The following TSPAN18 variants were observed in gnomAD, a reference collection of about 807,000 sequenced individuals.
TSPAN18 encodes tetraspanin-18.
A neutral mutation model predicts 27.3 loss-of-function variants in TSPAN18; 14 were observed. The ratio of observed to expected loss-of-function variants is 0.51; its 90% CI spans 0.34 to 0.80. The LOEUF (loss-of-function observed/expected upper bound fraction) is 0.80. Among genes scored for constraint, TSPAN18 ranks in the 30% least tolerant of loss-of-function variants. The pLI, the probability that TSPAN18 is intolerant of heterozygous loss-of-function variation, is 0.01. For synonymous variants in TSPAN18, 143 were observed against 136.5 expected (o/e 1.05, Z -0.33); for missense variants, 268 against 323.9 (o/e 0.83, Z 1.32).
intron 2 of TSPAN18, among the ~76,000 whole-genome samples, chr11:44,823,224 G>T (rs1305137633): frequency 2.6e-5 from 4 of 152,192 alleles, no homozygotes; most frequent in African/African-American, 9.7e-5. Context: ...CACTCGGCCT[G>T]CTTGCGTTAT....
intron 2 of TSPAN18, among the ~76,000 whole-genome samples, chr11:44,833,565 G>A (rs1317278330): frequency 6.6e-6 from 1 of 152,048 alleles, no homozygotes; most frequent in Non-Finnish European, 1.5e-5. Context: ...TTTATCTTCT[G>A]TGCTCGAAAA....
At chr11:44,782,696 A>G (rs1305009182) in intron 2 of TSPAN18, among the ~76,000 whole-genome samples, 1 of 152,192 alleles carries the variant, frequency 6.6e-6, no homozygotes, top group African/African-American at 2.4e-5. Context: ...TTTGAGTTTT[A>G]GACATTCTAA....
intron 3 of TSPAN18, among the ~76,000 whole-genome samples, chr11:44,882,218 C>T (rs1010666837): frequency 6.6e-6 from 1 of 152,132 alleles, no homozygotes; most frequent in Non-Finnish European, 1.5e-5. Context: ...GCGCAGCATC[C>T]ATGTGGTCCC....
chr11:44,906,625 AAGGGGGCCCCCAGC>A, intron 4 of TSPAN18, 146 bp downstream of exon 4: 1 of 781,526 alleles, frequency 1.3e-6, no homozygotes, highest in South Asian at 1.6e-5. Flanking sequence ...GCTTTCATGG[AAGGGGGCCCCCAGC>A]AGTGCCCACC....
chr11:44,897,247 CCTT>C (rs536671170), intron 3 of TSPAN18, among the ~76,000 whole-genome samples: 42 of 152,178 alleles, frequency 2.8e-4, no homozygotes, highest in Non-Finnish European at 5.6e-4. Context: ...TCTGAAGGAA[CCTT>C]CTCACAAATC....
chr11:44,926,481 T>C, intron 8 of TSPAN18, 193 bp from the exon 9 acceptor site: 1 of 596,864 alleles, frequency 1.7e-6, no homozygotes, highest in East Asian at 2.8e-5. Context: ...AGAGGGTCTT[T>C]GGTGCAATGC....
intron 2 of TSPAN18, among the ~76,000 whole-genome samples, chr11:44,804,664 G>C (rs1036154241): frequency 6.6e-6 from 1 of 152,204 alleles, no homozygotes; most frequent in African/African-American, 2.4e-5. Flanking sequence ...GAGGTTTTCA[G>C]AGCTCCCCTC....
At chr11:44,742,257 C>T (rs1418012898) in intron 1 of TSPAN18, among the ~76,000 whole-genome samples, 1 of 150,976 alleles carries the variant, frequency 6.6e-6, no homozygotes, top group Non-Finnish European at 1.5e-5. Flanking sequence ...CCCTCCCCTC[C>T]CCTTCCCTTC....
At chr11:44,800,862 G>T (rs1020588806) in intron 2 of TSPAN18, among the ~76,000 whole-genome samples, 1 of 152,148 alleles carries the variant, frequency 6.6e-6, no homozygotes, top group Admixed American at 6.5e-5. Context: ...CAGAAAGTCT[G>T]TCTTCTGGGA....
intron 1 of TSPAN18, among the ~76,000 whole-genome samples, chr11:44,762,237 T>C (rs933442365): frequency 6.6e-6 from 1 of 152,076 alleles, no homozygotes; most frequent in Non-Finnish European, 1.5e-5. Context: ...ACAGCCATGG[T>C]GGGAAATAAA....
intron 2 of TSPAN18, among the ~76,000 whole-genome samples, chr11:44,847,379 C>T (rs1336610066): frequency 1.3e-5 from 2 of 152,160 alleles, no homozygotes; most frequent in African/African-American, 4.8e-5. Context: ...AAAATTGAGG[C>T]AAAATTTACA....
intron 2 of TSPAN18, among the ~76,000 whole-genome samples, chr11:44,787,900 C>A (rs1305684368): frequency 6.8e-6 from 1 of 146,706 alleles, no homozygotes; most frequent in East Asian, 2.5e-4. Context: ...TGCCTTAAAG[C>A]CCCTCGTTAC....
intron 2 of TSPAN18, among the ~76,000 whole-genome samples, chr11:44,802,609 G>GCGCACACACACACACACACACACA (rs1856506516): frequency 7.0e-6 from 1 of 142,610 alleles, no homozygotes; most frequent in African/African-American, 2.7e-5. Flanking sequence ...GGGAAGCACT[G>GCGCACACACACACACACACACACA]CACACACACA....
chr11:44,850,234 C>T (rs939516829), intron 2 of TSPAN18, among the ~76,000 whole-genome samples: 1 of 152,148 alleles, frequency 6.6e-6, no homozygotes, highest in Non-Finnish European at 1.5e-5. Context: ...TCCTACATAT[C>T]GAGTGATATG....
At chr11:44,887,055 A>G (rs1041736818) in intron 3 of TSPAN18, among the ~76,000 whole-genome samples, 1 of 152,232 alleles carries the variant, frequency 6.6e-6, no homozygotes, top group Non-Finnish European at 1.5e-5. Context: ...GGACTTGGAC[A>G]AAGTACCAGA....
intron 3 of TSPAN18, among the ~76,000 whole-genome samples, chr11:44,874,802 A>T (rs960915903): frequency 6.6e-6 from 1 of 152,188 alleles, no homozygotes; most frequent in African/African-American, 2.4e-5. Flanking sequence ...CTCCTGATCC[A>T]TTTGAGGATC....
chr11:44,920,554 A>C (rs1860090670), intron 8 of TSPAN18, among the ~76,000 whole-genome samples: 1 of 152,120 alleles, frequency 6.6e-6, no homozygotes, highest in African/African-American at 2.4e-5. Flanking sequence ...TCTAGGGAAG[A>C]CAAGCGCCTG....
Position 44,896,041 on chromosome 11 carries a change from G to A in TSPAN18, c.-10-10366G>A, listed in dbSNP as rs1459777747. Among the ~76,000 whole-genome samples the A allele has an allele frequency of 5.9e-5, 9 of 152,162 alleles. No homozygotes were observed. The East Asian group carries it at 1.2e-3, about 20-fold the overall frequency. On this transcript the variant is annotated intron_variant, in intron 3 of 9. Coordinates refer to ENST00000520358, the MANE Select transcript of TSPAN18 (RefSeq NM_130783.5). ...GTGTGCCCATGGTTATTTGCACCTT[G>A]CACTCCCTGGCACTTCCCCGGCACA... is the stretch of plus-strand genomic sequence containing the variant.
intron 3 of TSPAN18, among the ~76,000 whole-genome samples, chr11:44,880,639 C>T (rs541153946): frequency 1.8e-4 from 28 of 152,290 alleles, no homozygotes; most frequent in African/African-American, 5.8e-4. Context: ...ACCAAGCCAC[C>T]GTGTAATATT....
Sources: allele counts gnomAD v4.1 joint callset (sites outside exome capture counted in the v4.1 genomes callset), GRCh38; gene constraint gnomAD v4.1.1; transcripts MANE v1.5; gene names NCBI Gene and HGNC (gene_info 2026-07-23, HGNC 2026-07-21).